NTN3: variants seen among roughly 807,000 people sequenced by gnomAD.
NTN3 encodes netrin 3, also known as netrin-3.
In NTN3, 44 loss-of-function variants were observed where a neutral mutation model predicts 37.2. The observed-to-expected ratio is 1.18, with a 90% CI of 0.93 to 1.52. The LOEUF is 1.52. Ranked by LOEUF, NTN3 falls within the 40% of genes most tolerant of loss-of-function variation. The pLI is 0.00. For missense variants in NTN3, 882 were observed against 857.3 expected, an observed-to-expected ratio of 1.03 and a Z score of -0.36; for synonymous variants, 385 against 376.0, an observed-to-expected ratio of 1.02 and a Z score of -0.28.
chr16:2,473,919 G>C lies in NTN3; in HGVS notation c.1557G>C (p.Leu519=). 2 of 1,192,002 alleles carry C rather than the reference G, an allele frequency of 1.7e-6. No homozygotes were observed. The highest frequency in any genetic ancestry group is 2.1e-6 in the Non-Finnish European group (2 of 962,940). The allele number at this position is 1,192,002 out of a possible 1,614,324, so 73.8% of individuals were successfully genotyped here. A position where few individuals can be genotyped will look rare whatever the true frequency, so the allele number is the denominator to read the frequency against. Residue 519 remains leucine (L), a synonymous_variant, in exon 6 of 6, where the codon CTG becomes CTC. Transcript: ENST00000293973. The part of the protein sequence containing the change: ...AGDAACGCPR[L]LPGRRYLLLG... ...ATGCGGCCTGCGGCTGCCCGCGCCT[G>C]CTCCCCGGCCGCCGCTACCTCCTGC...
intron 4 of NTN3, 34 bp from the exon 5 acceptor site, chr16:2,473,395 G>C: frequency 6.2e-7 from 1 of 1,612,624 alleles, no homozygotes; most frequent in Non-Finnish European, 8.5e-7. Flanking sequence ...GGTGGGGAAA[G>C]GGAGTCTGTG....
At chr16:2,472,936 A>G in intron 2 of NTN3, 47 bp downstream of exon 2, 1 of 1,579,044 alleles carries the variant, frequency 6.3e-7, no homozygotes, top group Non-Finnish European at 8.6e-7. Flanking sequence ...CTGACTTCCC[A>G]GATCCCCAGA....
Position 2,472,104 on chromosome 16 carries a change from C to T in NTN3, c.403C>T (p.Leu135Phe), listed in dbSNP as rs768414847. Residue 135 changes from leucine to phenylalanine, a missense_variant, in exon 1 of 6, where the codon CTC becomes TTC. Physicochemically the swap from Leu to Phe is conservative, Grantham distance 22. Coordinates refer to ENST00000293973, the MANE Select transcript of NTN3 (RefSeq NM_006181.3). ...CSAPPASVAL[L>F]KSQDHGRSWA... ...AGCTCCCCCAGCCTCCGTGGCCCTG[C>T]TCAAGTCTCAGGACCATGGCCGCAG... The T allele has an allele frequency of 6.2e-7, 1 of 1,607,388 alleles. No individual in the cohort carries two copies. The highest frequency in any genetic ancestry group is 8.5e-7 in the Non-Finnish European group (1 of 1,178,032).
chr16:2,473,629 A>G, intron 5 of NTN3, 126 bp downstream of exon 5: 1 of 1,252,658 alleles, frequency 8.0e-7, no homozygotes, highest in Non-Finnish European at 1.1e-6. Flanking sequence ...CTCATCCCTC[A>G]GGTCCTCCAC....
Position 2,472,586 on chromosome 16 carries a change from G to T in NTN3, c.885G>T (p.Arg295Ser), listed in dbSNP as rs763097962. The change falls in exon 1 of 6, where the codon AGG becomes AGT. Residue 295 changes from arginine (R) to serine (S), a missense_variant. Arg to Ser is a moderately radical substitution (Grantham distance 110). Transcript: ENST00000293973. ...GCTGCAAGCCCTTCTACTGCGACAGGCCATGGCAGCGGGCCACTGCCCGGG... is the reference window on the plus strand; with the variant it reads ...GCTGCAAGCCCTTCTACTGCGACAGTCCATGGCAGCGGGCCACTGCCCGGG... ...CGRCKPFYCDRPWQRATARES... is the reference protein window; with the variant it reads ...CGRCKPFYCDSPWQRATARES... 1 of 1,598,220 alleles carries T rather than the reference G, an allele frequency of 6.3e-7. No homozygotes were observed. The highest frequency in any genetic ancestry group is 8.5e-7 in the Non-Finnish European group (1 of 1,172,136).
chr16:2,471,601 G>T lies in NTN3; in HGVS notation c.-101G>T. 1 of 911,688 alleles carries T rather than the reference G, an allele frequency of 1.1e-6. No homozygotes were observed. Among genetic ancestry groups the T allele is most frequent in the Non-Finnish European group, 1.5e-6 (1 of 679,452 alleles). 56.5% of individuals were successfully genotyped at this position (911,688 alleles called of 1,614,324 possible). On this transcript the variant is annotated 5_prime_UTR_variant, in exon 1 of 6. Transcript: ENST00000293973. Reference sequence around the variant, plus strand: ...GGGCCGCCCGGGGGCCCTGTTCCTCGGCATTGCGGGCCTGGTGGGCAGAGC... The same window carrying T: ...GGGCCGCCCGGGGGCCCTGTTCCTCTGCATTGCGGGCCTGGTGGGCAGAGC...
rs2065521039 is a variant in NTN3 at position 2,471,604 on chromosome 16, A to T, written c.-98A>T. On this transcript the variant is annotated 5_prime_UTR_variant, in exon 1 of 6. Transcript: ENST00000293973. Reference sequence around the variant, plus strand: ...CCGCCCGGGGGCCCTGTTCCTCGGCATTGCGGGCCTGGTGGGCAGAGCCGC... The same window carrying T: ...CCGCCCGGGGGCCCTGTTCCTCGGCTTTGCGGGCCTGGTGGGCAGAGCCGC... The T allele has an allele frequency of 2.1e-6, 2 of 955,108 alleles. No homozygotes were observed. The highest frequency in any genetic ancestry group is 1.4e-6 in the Non-Finnish European group (1 of 718,308). 59.2% of individuals were successfully genotyped at this position (955,108 alleles called of 1,614,324 possible). A position where few individuals can be genotyped will look rare whatever the true frequency, so the allele number is the denominator to read the frequency against.
chr16:2,471,768 C>T lies in NTN3; in HGVS notation c.67C>T (p.Pro23Ser), dbSNP rs996439947. 4.3e-6 allele frequency: 6 copies of T among 1,381,322 alleles called. No homozygotes were observed. The African/African-American group carries it at 7.6e-5, about 18-fold the overall frequency. The allele number at this position is 1,381,322 out of a possible 1,614,324, so 85.6% of individuals were successfully genotyped here. The change falls in exon 1 of 6, where the codon CCG becomes TCG. Residue 23 changes from proline to serine, a missense_variant. Transcript: ENST00000293973. ...GCTCTTCGCCGCCCTGAGTCCTGGGCCGCCGGCGCCCGCCGACCCCTGCCA... is the reference window on the plus strand; with the variant it reads ...GCTCTTCGCCGCCCTGAGTCCTGGGTCGCCGGCGCCCGCCGACCCCTGCCA... Reference protein sequence around the residue: ...GTLFAALSPGPPAPADPCHDE... With the variant: ...GTLFAALSPGSPAPADPCHDE...
chr16:2,471,530 G>C lies in NTN3; in HGVS notation c.-172G>C, dbSNP rs971671576. ...GCGCCAACATCCCCGCTGCTGTGCT[G>C]GGCCCGGGGCGTGCCCGCCGCTGCT... On this transcript the variant is annotated 5_prime_UTR_variant, in exon 1 of 6. Transcript: ENST00000293973. 3 of 426,726 alleles carry C rather than the reference G, an allele frequency of 7.0e-6. No individual in the cohort carries two copies. The highest frequency in any genetic ancestry group is 6.2e-5 in the African/African-American group (3 of 48,522). 26.4% of individuals were successfully genotyped at this position (426,726 alleles called of 1,614,324 possible).
rs1209817604 is a variant in NTN3 at position 2,471,671 on chromosome 16, G to A, written c.-31G>A. ...CCCCAAGGGCAGCGTCTTGGGGCCC[G>A]GCCACTGGCTGACCCGCAGCGGCTC... On this transcript the variant is annotated 5_prime_UTR_variant, in exon 1 of 6. Coordinates refer to ENST00000293973, the MANE Select transcript of NTN3 (RefSeq NM_006181.3). 26 of 1,300,336 alleles carry A rather than the reference G, an allele frequency of 2.0e-5. No homozygotes were observed. In the South Asian group the frequency reaches 4.6e-4, roughly 23 times the overall value. 80.5% of individuals were successfully genotyped at this position (1,300,336 alleles called of 1,614,324 possible).
In NTN3 at chr16:2,473,112, C is replaced by T. The variant is rs2065532163; in HGVS notation, c.1245C>T (p.Arg415=). 1 of 1,606,912 alleles carries T rather than the reference C, an allele frequency of 6.2e-7. No homozygotes were observed. Among genetic ancestry groups the T allele is most frequent in the Non-Finnish European group, 8.5e-7 (1 of 1,177,558 alleles). ...GCGCGCCTGGCTTCCAGCAAAGCCG[C>T]TCCCCAGTGGCGCCCTGTGTTAGTG... The part of the protein sequence containing the change: ...NRCAPGFQQS[R]SPVAPCVKTP... The change falls in exon 3 of 6, where the codon CGC becomes CGT. Residue 415 remains arginine (R), a synonymous_variant. Transcript: ENST00000293973.
At position 2,471,912 on chromosome 16, in the gene NTN3, G is replaced by A. The variant is rs1161695577; in HGVS notation, c.211G>A (p.Asp71Asn). 4 of 1,536,420 alleles carry A rather than the reference G, an allele frequency of 2.6e-6. No homozygotes were observed. Among genetic ancestry groups the A allele is most frequent in the Non-Finnish European group, 3.5e-6 (4 of 1,148,936 alleles). Residue 71 changes from aspartate to asparagine, a missense_variant, in exon 1 of 6, where the codon GAC (aspartate) becomes AAC (asparagine). By Grantham distance (23) the Asp-to-Asn change is conservative. Coordinates refer to ENST00000293973, the MANE Select transcript of NTN3 (RefSeq NM_006181.3). ...GGCCACTCGGGCCTGCGACGCCTCC[G>A]ACCCGCGACGGGCACACTCCCCCGC... The part of the protein sequence containing the change: ...RPATRACDAS[D>N]PRRAHSPALL...
chr16:2,474,022 G>A lies in NTN3; in HGVS notation c.1660G>A (p.Val554Met), dbSNP rs1426480396. Residue 554 changes from valine to methionine, a missense_variant, in exon 6 of 6, where the codon GTG becomes ATG. Val to Met is a conservative substitution (Grantham distance 21). Coordinates refer to ENST00000293973, the MANE Select transcript of NTN3 (RefSeq NM_006181.3). ...GCTCATCGCCGCCCGCGGAAGCCTC[G>A]TGCTACCCTGGAGGGACGCGTGGAC... The part of the protein sequence containing the change: ...PGLIAARGSL[V>M]LPWRDAWTRR... The A allele has an allele frequency of 8.4e-7, 1 of 1,197,348 alleles. No individual in the cohort carries two copies. The highest frequency in any genetic ancestry group is 1.0e-6 in the Non-Finnish European group (1 of 965,752). 74.2% of individuals were successfully genotyped at this position (1,197,348 alleles called of 1,614,324 possible). A position where few individuals can be genotyped will look rare whatever the true frequency, so the allele number is the denominator to read the frequency against.
chr16:2,473,640 G>A lies in NTN3; in HGVS notation c.1394-116G>A, dbSNP rs2065537139. 6 of 1,248,442 alleles carry A rather than the reference G, an allele frequency of 4.8e-6. No homozygotes were observed. The South Asian group carries it at 5.7e-5, about 12-fold the overall frequency. The allele number at this position is 1,248,442 out of a possible 1,614,324, so 77.3% of individuals were successfully genotyped here. On this transcript the variant is annotated intron_variant, in intron 5 of 5. Transcript: ENST00000293973. ...CATCCTCATCCCTCAGGTCCTCCAC[G>A]GGCAGCGACCCCGCCCCTTCAGCCC...
Position 2,473,305 on chromosome 16 carries a change from T to C in NTN3, c.1305T>C (p.Pro435=), listed in dbSNP as rs764184213. ...PIPGPTEDSS[P]VQPQDCDSHC... ...CTGGACCCACTGAGGACAGCAGCCC[T>C]GTGCAGCCCCAGGGTGAGTGGACAC... Residue 435 remains proline (P), a synonymous_variant, in exon 4 of 6, where the codon CCT becomes CCC. Coordinates refer to ENST00000293973, the MANE Select transcript of NTN3 (RefSeq NM_006181.3). 6.2e-7 allele frequency: 1 copy of C among 1,612,946 alleles called. No homozygotes were observed. Among genetic ancestry groups the C allele is most frequent in the Non-Finnish European group, 8.5e-7 (1 of 1,179,974 alleles).
At position 2,472,058 on chromosome 16, in the gene NTN3, C is replaced by A. The variant is rs774425636; in HGVS notation, c.357C>A (p.Phe119Leu). ...VPLGKAFELVFVSLRFCSAPP... is the reference protein window; with the variant it reads ...VPLGKAFELVLVSLRFCSAPP... ...TGGGCAAGGCTTTTGAGCTGGTCTTCGTGAGCCTGCGCTTCTGCTCAGCTC... is the reference window on the plus strand; with the variant it reads ...TGGGCAAGGCTTTTGAGCTGGTCTTAGTGAGCCTGCGCTTCTGCTCAGCTC... The change falls in exon 1 of 6, where the codon TTC becomes TTA. Residue 119 changes from phenylalanine to leucine, a missense_variant. Physicochemically the swap from Phe to Leu is conservative, Grantham distance 22. Coordinates refer to ENST00000293973, the MANE Select transcript of NTN3 (RefSeq NM_006181.3). 6.2e-7 allele frequency: 1 copy of A among 1,608,682 alleles called. No individual in the cohort carries two copies. Among genetic ancestry groups the A allele is most frequent in the East Asian group, 2.2e-5 (1 of 44,826 alleles).
At position 2,471,894 on chromosome 16, in the gene NTN3, C is replaced by A; in HGVS notation, c.193C>A (p.Arg65=). Residue 65 remains arginine, a synonymous_variant, in exon 1 of 6, where the codon CGG becomes AGG. Transcript: ENST00000293973. ...ASSTCGRPAT[R]ACDASDPRRA... ...CAGCACGTGCGGGCGGCCGGCCACT[C>A]GGGCCTGCGACGCCTCCGACCCGCG... 6.7e-7 allele frequency: 1 copy of A among 1,493,094 alleles called. No homozygotes were observed. Among genetic ancestry groups the A allele is most frequent in the Non-Finnish European group, 8.9e-7 (1 of 1,120,684 alleles). 92.5% of individuals were successfully genotyped at this position (1,493,094 alleles called of 1,614,324 possible).
In NTN3 at chr16:2,472,797, G is replaced by A. The variant is rs141027585; in HGVS notation, c.1025G>A (p.Arg342Gln). ...RRSGGVCLNC[R>Q]HNTAGRHCHY... ...AGCGGGGGTGTCTGTCTCAACTGCC[G>A]GCACAACACCGCCGGCCGCCACTGC... Residue 342 changes from arginine (R) to glutamine (Q), a missense_variant, in exon 2 of 6, where the codon CGG becomes CAG. Transcript: ENST00000293973. 16 of 1,607,918 alleles carry A rather than the reference G, an allele frequency of 1.0e-5. No individual in the cohort carries two copies. Among genetic ancestry groups the A allele is most frequent in the African/African-American group, 2.7e-5 (2 of 74,892 alleles).
chr16:2,472,703 T>C lies in NTN3; in HGVS notation c.931T>C (p.Cys311Arg). ...TARESHACLACSCNGHARRCR... is the reference protein window; with the variant it reads ...TARESHACLARSCNGHARRCR... ...CCCTGACCCATCCCTCCCTGCAGCT[T>C]GCTCCTGCAACGGCCATGCCCGCCG... The change falls in exon 2 of 6, where the codon TGC becomes CGC. Residue 311 changes from cysteine (C) to arginine (R), a missense_variant and splice_region_variant. Cys to Arg is a radical substitution (Grantham distance 180). Transcript: ENST00000293973. 1 of 1,608,886 alleles carries C rather than the reference T, an allele frequency of 6.2e-7. No homozygotes were observed. The highest frequency in any genetic ancestry group is 8.5e-7 in the Non-Finnish European group (1 of 1,179,260).
Sources: allele counts gnomAD v4.1 joint callset, GRCh38; gene constraint gnomAD v4.1.1; transcripts MANE v1.5; gene names NCBI Gene and HGNC (gene_info 2026-07-23, HGNC 2026-07-21).